The following BEND7 variants were observed in gnomAD, a reference collection of about 807,000 sequenced individuals.
BEND7 encodes the protein BEN domain-containing protein 7.
In BEND7, 28 loss-of-function variants were observed where a neutral mutation model predicts 50.9. The ratio of observed to expected loss-of-function variants is 0.55; its 90% CI spans 0.41 to 0.75. The LOEUF (loss-of-function observed/expected upper bound fraction) is 0.75, where lower values mean the gene tolerates loss of function less well. BEND7 is among the 30% of genes least tolerant of loss of function. BEND7 has a pLI of 0.00. For missense variants in BEND7, 477 were observed against 491.3 expected, an observed-to-expected ratio of 0.97 and a Z score of 0.28; for synonymous variants, 170 against 183.9, an observed-to-expected ratio of 0.92 and a Z score of 0.61.
At chr10:13,508,509 T>C (rs1029618980) in intron 2 of BEND7, among the ~76,000 whole-genome samples, 1 of 152,118 alleles carries the variant, frequency 6.6e-6, no homozygotes, top group Non-Finnish European at 1.5e-5. Flanking sequence ...AAAGTGGCCA[T>C]AGAATCATTT....
At chr10:13,462,834 A>C (rs1352370267) in intron 6 of BEND7, among the ~76,000 whole-genome samples, 3 of 152,224 alleles carry the variant, frequency 2.0e-5, no homozygotes, top group African/African-American at 7.2e-5. Context: ...TAAGAAAAAT[A>C]AATACATAAC....
rs150784526 is a variant in BEND7 at position 13,514,139 on chromosome 10, C to G, written c.145+11999G>C. On this transcript the variant is annotated intron_variant, in intron 2 of 8. Transcript: ENST00000466271. ...CCTTAATTCCCCAGGCCTGGGAGGG[C>G]TCCTGTCCCATGTTCCCACAGAATC... Among the ~76,000 whole-genome samples the G allele has an allele frequency of 2.9e-3, 440 of 152,274 alleles. 8 individuals are homozygous for G. Among genetic ancestry groups the G allele is most frequent in the Admixed American group, 0.026 (395 of 15,296 alleles).
intron 6 of BEND7, among the ~76,000 whole-genome samples, chr10:13,458,881 G>A (rs565331700): frequency 6.6e-6 from 1 of 152,278 alleles, no homozygotes; most frequent in East Asian, 1.9e-4. Flanking sequence ...TACTGTCTTA[G>A]AGCTATCATT....
intron 7 of BEND7, among the ~76,000 whole-genome samples, chr10:13,448,757 C>T (rs1439523957): frequency 2.6e-5 from 4 of 151,906 alleles, no homozygotes; most frequent in South Asian, 4.2e-4. Flanking sequence ...GGGTGGATCA[C>T]GAGGTCAGGA....
intron 7 of BEND7, among the ~76,000 whole-genome samples, chr10:13,452,075 G>A (rs188968549): frequency 6.6e-5 from 10 of 152,260 alleles, no homozygotes; most frequent in African/African-American, 1.9e-4. Context: ...GTGCATGGAC[G>A]TGTGAGCACA....
chr10:13,468,499 G>A (rs1280424747), intron 6 of BEND7, among the ~76,000 whole-genome samples: 2 of 152,314 alleles, frequency 1.3e-5, no homozygotes, highest in East Asian at 3.9e-4. Flanking sequence ...CTTGGAAAAG[G>A]CCAGAGTTCG....
At chr10:13,503,560 A>G (rs1309011886) in intron 2 of BEND7, among the ~76,000 whole-genome samples, 1 of 152,156 alleles carries the variant, frequency 6.6e-6, no homozygotes, top group Non-Finnish European at 1.5e-5. Flanking sequence ...TAAAAACACA[A>G]AAGTTAGCTG....
At chr10:13,497,132 C>A (rs538415309) in intron 3 of BEND7, among the ~76,000 whole-genome samples, 1 of 152,300 alleles carries the variant, frequency 6.6e-6, no homozygotes, top group Non-Finnish European at 1.5e-5. Context: ...GGTGCGGGAG[C>A]CCGCATGCAC....
chr10:13,449,181 T>C (rs562070409), intron 7 of BEND7, among the ~76,000 whole-genome samples: 17 of 152,276 alleles, frequency 1.1e-4, no homozygotes, highest in African/African-American at 4.1e-4. Flanking sequence ...TTATTTTATA[T>C]ATGAAAAATA....
intron 5 of BEND7, among the ~76,000 whole-genome samples, chr10:13,490,915 T>C (rs1333875071): frequency 6.6e-6 from 1 of 152,178 alleles, no homozygotes; most frequent in Non-Finnish European, 1.5e-5. Context: ...GTGATTCTTA[T>C]GCCTCAGCCT....
At chr10:13,461,733 A>AG (rs973138502) in intron 6 of BEND7, among the ~76,000 whole-genome samples, 6 of 27,032 alleles carry the variant, frequency 2.2e-4, no homozygotes, top group Admixed American at 4.9e-4. Context: ...ACTCCATCTT[A>AG]AAAAAAAAAA....
intron 5 of BEND7, among the ~76,000 whole-genome samples, chr10:13,487,260 AG>A (rs1334982506): frequency 1.3e-5 from 2 of 152,230 alleles, no homozygotes; most frequent in African/African-American, 2.4e-5. Context: ...CACGGCTCAG[AG>A]AAGTGAAGTA....
chr10:13,473,965 G>T (rs2075177709), intron 6 of BEND7, among the ~76,000 whole-genome samples: 1 of 152,146 alleles, frequency 6.6e-6, no homozygotes, highest in Non-Finnish European at 1.5e-5. Context: ...TAGACTCGGG[G>T]CCAATACTTG....
chr10:13,504,842 G>T (rs1355203469), intron 2 of BEND7, among the ~76,000 whole-genome samples: 4 of 152,176 alleles, frequency 2.6e-5, no homozygotes, highest in Non-Finnish European at 5.9e-5. Flanking sequence ...TAAAAAGATT[G>T]TATGCTGGAT....
At chr10:13,470,313 A>G (rs2074681820) in intron 6 of BEND7, among the ~76,000 whole-genome samples, 1 of 152,244 alleles carries the variant, frequency 6.6e-6, no homozygotes, top group Non-Finnish European at 1.5e-5. Flanking sequence ...ATACAAATCG[A>G]CAGTGTCCAC....
chr10:13,523,798 T>A (rs1226092218), intron 2 of BEND7, among the ~76,000 whole-genome samples: 1 of 152,242 alleles, frequency 6.6e-6, no homozygotes, highest in Admixed American at 6.5e-5. Context: ...CCAGAAATCA[T>A]GTTGCTGTGA....
intron 2 of BEND7, 56 bp from the exon 3 acceptor site, chr10:13,500,136 C>A: frequency 7.4e-7 from 1 of 1,343,046 alleles, no homozygotes; most frequent in Non-Finnish European, 1.0e-6. Context: ...GAAAACAGTT[C>A]ACTAACCAAA....
At chr10:13,510,463 C>T (rs770684244) in intron 2 of BEND7, among the ~76,000 whole-genome samples, 2 of 152,080 alleles carry the variant, frequency 1.3e-5, no homozygotes, top group African/African-American at 2.4e-5. Context: ...ATATTCACTA[C>T]GGCATCATTT....
intron 2 of BEND7, 75 bp downstream of exon 2, chr10:13,526,063 A>G (rs1181799166): frequency 6.7e-6 from 5 of 745,888 alleles, no homozygotes; most frequent in Non-Finnish European, 9.8e-6. Context: ...CCGTTCCTGA[A>G]CAATTTCCTT....
Sources: allele counts gnomAD v4.1 joint callset (sites outside exome capture counted in the v4.1 genomes callset), GRCh38; gene constraint gnomAD v4.1.1; transcripts MANE v1.5; gene names NCBI Gene and HGNC (gene_info 2026-07-23, HGNC 2026-07-21).